SLC4A7: variants seen among roughly 807,000 people sequenced by gnomAD.
The protein encoded by SLC4A7 is sodium bicarbonate cotransporter 3.
Under a neutral mutation model 137.6 loss-of-function variants are expected in SLC4A7, and 51 were observed. The observed-to-expected ratio is 0.37, with a 90% CI of 0.30 to 0.47. SLC4A7 has a LOEUF of 0.47. SLC4A7 is among the 20% of genes least tolerant of loss of function. The pLI, the probability that SLC4A7 is intolerant of heterozygous loss-of-function variation, is 1.00. For missense variants in SLC4A7, 1,247 were observed against 1,525.4 expected, an observed-to-expected ratio of 0.82 and a Z score of 3.04; for synonymous variants, 542 against 518.6, an observed-to-expected ratio of 1.05 and a Z score of -0.61.
At chr3:27,420,259 T>C (rs963551366) in intron 10 of SLC4A7, among the ~76,000 whole-genome samples, 1 of 152,044 alleles carries the variant, frequency 6.6e-6, no homozygotes, top group Non-Finnish European at 1.5e-5. Context: ...ACAGCACTGA[T>C]GTTTGGCAAG....
intron 3 of SLC4A7, among the ~76,000 whole-genome samples, chr3:27,439,891 A>C (rs978625492): frequency 6.6e-6 from 1 of 152,184 alleles, no homozygotes; most frequent in African/African-American, 2.4e-5. Flanking sequence ...TATCAGGTTA[A>C]GGAAGTTTCC....
chr3:27,406,671 A>G (rs1446710031), intron 13 of SLC4A7, among the ~76,000 whole-genome samples: 2 of 152,178 alleles, frequency 1.3e-5, no homozygotes, highest in East Asian at 1.9e-4. Context: ...GCTCACGCCT[A>G]TAACACAAGC....
At chr3:27,467,946 ATAC>A (rs1184836288) in intron 1 of SLC4A7, among the ~76,000 whole-genome samples, 1 of 152,244 alleles carries the variant, frequency 6.6e-6, no homozygotes, top group Non-Finnish European at 1.5e-5. Flanking sequence ...TTTCATTTTT[ATAC>A]TAGCCAAATT....
intron 14 of SLC4A7, among the ~76,000 whole-genome samples, chr3:27,403,939 G>A (rs1124873): frequency 0.29 from 44,626 of 152,114 alleles, 8,310 homozygotes; most frequent in East Asian, 0.74. Context: ...ATTAGTCTAT[G>A]TGGCATGCCA....
chr3:27,467,735 C>T (rs2059069121), intron 1 of SLC4A7, among the ~76,000 whole-genome samples: 1 of 152,150 alleles, frequency 6.6e-6, no homozygotes, highest in African/African-American at 2.4e-5. Context: ...AAAATTTAGG[C>T]TTCACCAATG....
rs576728416 is a variant in SLC4A7, at chr3:27,469,899, A to T, written c.60+14168T>A. ...TAACTCTTTTAGAAATAAACATTCA[A>T]CTAACCTTTGAGAAGTAGCTGTAAC... On this transcript the variant is annotated intron_variant, in intron 1 of 25. Coordinates refer to ENST00000454389, the MANE Select transcript of SLC4A7 (RefSeq NM_001321103.2). Among the ~76,000 whole-genome samples the T allele has an allele frequency of 1.5e-4, 23 of 152,330 alleles. No homozygotes were observed. In the East Asian group the frequency reaches 4.0e-3, roughly 27 times the overall value.
Position 27,390,000 on chromosome 3 carries a change from A to C in SLC4A7, c.3291T>G (p.Ile1097Met), listed in dbSNP as rs2051366311. The C allele has an allele frequency of 6.2e-7, 1 of 1,613,922 alleles. No individual in the cohort carries two copies. Among genetic ancestry groups the C allele is most frequent in the South Asian group, 1.1e-5 (1 of 91,072 alleles). ...ATAAAAGGACCAAACAAGTAAGCTG[A>C]ATGACTGTGAAAATATGGACCTTCC... Reference protein sequence around the residue: ...PLWKVHIFTVIQLTCLVLLWV... With the variant: ...PLWKVHIFTVMQLTCLVLLWV... Residue 1097 changes from isoleucine (I) to methionine (M), a missense_variant, in exon 22 of 26, where the codon ATT becomes ATG. Physicochemically the swap from Ile to Met is conservative, Grantham distance 10 (BLOSUM62 1). Around this residue, in one of 6 missense-constraint regions of SLC4A7, gnomAD observed 290 missense variants for 323.8 expected, o/e 0.90. Transcript: ENST00000454389.
Position 27,448,734 on chromosome 3 carries a change from C to G in SLC4A7, c.206G>C (p.Arg69Thr), listed in dbSNP as rs756621553. The G allele has an allele frequency of 6.2e-7, 1 of 1,612,910 alleles. No individual in the cohort carries two copies. Among genetic ancestry groups the G allele is most frequent in the Non-Finnish European group, 8.5e-7 (1 of 1,179,264 alleles). Residue 69 changes from arginine (R) to threonine (T), a missense_variant, in exon 3 of 26, where the codon AGG becomes ACG. This residue lies in a region of SLC4A7 where 176 missense variants were observed against 186.4 expected (regional missense o/e 0.94). Transcript: ENST00000454389. ...GTGGTGATGTTTGTGTCCGCGATGCCTATGACGCCGACGACTCTCTTTACT... is the reference window on the plus strand; with the variant it reads ...GTGGTGATGTTTGTGTCCGCGATGCGTATGACGCCGACGACTCTCTTTACT... ...PFSKESRRRH[R>T]HRGHKHHHRR...
chr3:27,407,769 T>C (rs2053527261), intron 13 of SLC4A7, among the ~76,000 whole-genome samples: 1 of 152,092 alleles, frequency 6.6e-6, no homozygotes, highest in Admixed American at 6.6e-5. Context: ...CCATCCCTCC[T>C]TCATTCCATA....
At position 27,431,599 on chromosome 3, in the gene SLC4A7, T is replaced by G. The variant is rs759028760; in HGVS notation, c.849A>C (p.Gly283=). ...CAAGAAGAAGAGATAAAGGTGATTC[T>G]CCTCTCAAGGAAAGGTTTGAGGCAG... ...GLSASNLSLR[G]ESPLSLLLGH... Residue 283 remains glycine (G), a synonymous_variant, in exon 7 of 26, where the codon GGA becomes GGC. Coordinates refer to ENST00000454389, the MANE Select transcript of SLC4A7 (RefSeq NM_001321103.2). 1 of 1,613,894 alleles carries G rather than the reference T, an allele frequency of 6.2e-7. No homozygotes were observed. Among genetic ancestry groups the G allele is most frequent in the Admixed American group, 1.7e-5 (1 of 59,978 alleles).
chr3:27,483,215 G>A (rs2059788821), intron 1 of SLC4A7, among the ~76,000 whole-genome samples: 1 of 152,228 alleles, frequency 6.6e-6, no homozygotes, highest in Non-Finnish European at 1.5e-5. Context: ...AAGAAAGCAG[G>A]AAGTCCGCTT....
intron 2 of SLC4A7, among the ~76,000 whole-genome samples, chr3:27,450,841 T>A (rs1450527780): frequency 3.3e-5 from 5 of 152,048 alleles, no homozygotes; most frequent in Non-Finnish European, 5.9e-5. Flanking sequence ...ACTCAAACTC[T>A]CTTAAACTTA....
intron 11 of SLC4A7, among the ~76,000 whole-genome samples, chr3:27,414,634 G>A (rs2054216528): frequency 6.6e-6 from 1 of 152,130 alleles, no homozygotes; most frequent in Non-Finnish European, 1.5e-5. Flanking sequence ...GAAGTCAAAA[G>A]CAATCCTGAA....
chr3:27,454,361 G>C (rs755555804), intron 1 of SLC4A7, among the ~76,000 whole-genome samples: 1 of 152,130 alleles, frequency 6.6e-6, no homozygotes, highest in East Asian at 1.9e-4. Context: ...AGCTACTCAG[G>C]AGGCTGAGGC....
chr3:27,404,957 T>G lies in SLC4A7; in HGVS notation c.1948A>C (p.Ile650Leu), dbSNP rs370980563. The change falls in exon 14 of 26, where the codon ATA becomes CTA. Residue 650 changes from isoleucine (I) to leucine (L), a missense_variant. Around this residue, in one of 6 missense-constraint regions of SLC4A7, gnomAD observed 499 missense variants for 664.2 expected, o/e 0.75. Transcript: ENST00000454389. Reference protein sequence around the residue: ...GEATEGRISAIESLFGASLTG... With the variant: ...GEATEGRISALESLFGASLTG... ...AATGATGCTCCAAAAAGAGACTCTATTGCACTCTGTTTAAGGAAAAAAGAA... is the reference window on the plus strand; with the variant it reads ...AATGATGCTCCAAAAAGAGACTCTAGTGCACTCTGTTTAAGGAAAAAAGAA... 3 of 1,582,604 alleles carry G rather than the reference T, an allele frequency of 1.9e-6. No homozygotes were observed. Among genetic ancestry groups the G allele is most frequent in the Non-Finnish European group, 2.6e-6 (3 of 1,171,040 alleles).
Position 27,391,590 on chromosome 3 carries a change from C to CT in SLC4A7, c.3186+149dup, listed in dbSNP as rs1576149162. The CT allele has an allele frequency of 5.1e-6, 3 of 593,000 alleles. No individual in the cohort carries two copies. In the East Asian group the frequency reaches 8.7e-5, roughly 17 times the overall value. The allele number at this position is 593,000 out of a possible 1,614,324, so 36.7% of individuals were successfully genotyped here. A position where few individuals can be genotyped will look rare whatever the true frequency, so the allele number is the denominator to read the frequency against. ...AAAATGTACAGTAAGCAAACAATCACTTGGCAAATGTCTGAAGTCATCAGT... is the reference window on the plus strand; with the variant it reads ...AAAATGTACAGTAAGCAAACAATCACTTTGGCAAATGTCTGAAGTCATCAGT... On this transcript the variant is annotated intron_variant, in intron 21 of 25. Transcript: ENST00000454389.
intron 16 of SLC4A7, among the ~76,000 whole-genome samples, chr3:27,400,432 G>T (rs192486475): frequency 1.0e-3 from 159 of 152,288 alleles, no homozygotes; most frequent in African/African-American, 3.6e-3. Context: ...GACAGTATAT[G>T]TAGCCACAGT....
At chr3:27,479,662 C>T (rs568664635) in intron 1 of SLC4A7, among the ~76,000 whole-genome samples, 1 of 152,136 alleles carries the variant, frequency 6.6e-6, no homozygotes. Context: ...TTTTTCCAAA[C>T]TGCAAAAATG....
chr3:27,455,963 A>C (rs542454775), intron 1 of SLC4A7, among the ~76,000 whole-genome samples: 8 of 152,298 alleles, frequency 5.3e-5, no homozygotes, highest in Middle Eastern at 3.4e-3. Flanking sequence ...GCAAAATCAA[A>C]TCTAGTTTTG....
Sources: gnomAD v4.1 joint callset for allele counts (sites outside exome capture counted in the v4.1 genomes callset) on GRCh38, gnomAD v4.1.1 for gene constraint, gnomAD v4.1.1 regional missense constraint, MANE v1.5 for transcripts, NCBI Gene and HGNC (gene_info 2026-07-23, HGNC 2026-07-21) for gene names.